PFAS: variants seen among roughly 807,000 people sequenced by gnomAD.
PFAS encodes FGAM synthase.
A neutral mutation model predicts 140.6 loss-of-function variants in PFAS; 97 were observed. That is an observed-to-expected ratio of 0.69 (90% CI 0.59 to 0.82). The LOEUF (loss-of-function observed/expected upper bound fraction) is 0.82. Among genes scored for constraint, PFAS ranks in the 40% least tolerant of loss-of-function variants. The pLI is 0.00. For synonymous variants in PFAS, 679 were observed against 718.8 expected (o/e 0.94, Z 0.88); for missense variants, 1,656 against 1,780.2 (o/e 0.93, Z 1.26).
intron 11 of PFAS, among the ~76,000 whole-genome samples, chr17:8,260,611 G>T (rs973778106): frequency 1.3e-5 from 2 of 152,052 alleles, no homozygotes; most frequent in Non-Finnish European, 2.9e-5. Context: ...TTATGTACAA[G>T]TTTTTTTGTT....
rs145272400 is a variant in PFAS at position 8,268,959 on chromosome 17, G to A, written c.3712G>A (p.Val1238Ile). 1.9e-5 allele frequency: 31 copies of A among 1,614,046 alleles called. No homozygotes were observed. Among genetic ancestry groups the A allele is most frequent in the African/African-American group, 8.0e-5 (6 of 74,946 alleles). The part of the protein sequence containing the change: ...PVWSAHGEGY[V>I]AFSSPELQAQ... ...CCCTCCTCCTTCCATCCCAGGTTAC[G>A]TAGCATTTTCTTCTCCGGAACTCCA... Residue 1238 changes from valine to isoleucine, a missense_variant, in exon 28 of 28, where the codon GTA becomes ATA. By Grantham distance (29) the Val-to-Ile change is conservative (BLOSUM62 3). Coordinates refer to ENST00000314666, the MANE Select transcript of PFAS (RefSeq NM_012393.3).
rs1481469391 is a variant in PFAS, at chr17:8,256,983, T to G, written c.1075+20T>G. 1 of 1,613,728 alleles carries G rather than the reference T, an allele frequency of 6.2e-7. No homozygotes were observed. The highest frequency in any genetic ancestry group is 2.2e-5 in the East Asian group (1 of 44,878). ...TTCCAGGTTCCATCTCCTTCCTCTC[T>G]ATCCACCTTCCCTTCCAGATTCCTT... On this transcript the variant is annotated intron_variant, in intron 9 of 27. Coordinates refer to ENST00000314666, the MANE Select transcript of PFAS (RefSeq NM_012393.3).
Position 8,262,911 on chromosome 17 carries a change from T to C in PFAS, c.1337-9T>C, listed in dbSNP as rs772732853. On this transcript the variant is annotated splice_polypyrimidine_tract_variant and intron_variant, in intron 11 of 27. Coordinates refer to ENST00000314666, the MANE Select transcript of PFAS (RefSeq NM_012393.3). ...CCCAGTGTTCTGATTCTGCCTTCCCTTCTTACAGGCATGGAAGTTGTAAAG... is the reference window on the plus strand; with the variant it reads ...CCCAGTGTTCTGATTCTGCCTTCCCCTCTTACAGGCATGGAAGTTGTAAAG... The C allele has an allele frequency of 1.9e-6, 3 of 1,612,538 alleles. No individual in the cohort carries two copies. In the South Asian group the frequency reaches 3.3e-5, roughly 18 times the overall value.
At chr17:8,254,378 T>C (rs1374958826) in intron 3 of PFAS, 77 bp downstream of exon 3, 4 of 1,554,440 alleles carry the variant, frequency 2.6e-6, no homozygotes, top group Non-Finnish European at 3.5e-6. Context: ...GATTTGCTTT[T>C]CCTTTGCTCT....
intron 1 of PFAS, among the ~76,000 whole-genome samples, chr17:8,252,281 G>A (rs1361498501): frequency 6.6e-6 from 1 of 150,612 alleles, no homozygotes; most frequent in Admixed American, 6.6e-5. Context: ...GTGACAGAGT[G>A]AATCCATCTC....
At position 8,268,644 on chromosome 17, in the gene PFAS, C is replaced by G. The variant is rs1567647594; in HGVS notation, c.3494C>G (p.Ala1165Gly). ...GTGTGTAATGGCTGTCAACTGCTGG[C>G]TCTGCTCGGCTGGGTGGGAGGCGAC... Reference protein sequence around the residue: ...LGVCNGCQLLALLGWVGGDPN... With the variant: ...LGVCNGCQLLGLLGWVGGDPN... Residue 1165 changes from alanine to glycine, a missense_variant, in exon 27 of 28, where the codon GCT becomes GGT. Coordinates refer to ENST00000314666, the MANE Select transcript of PFAS (RefSeq NM_012393.3). The G allele has an allele frequency of 6.2e-7, 1 of 1,613,774 alleles. No individual in the cohort carries two copies. The highest frequency in any genetic ancestry group is 8.5e-7 in the Non-Finnish European group (1 of 1,180,010).
At chr17:8,258,289 G>A (rs1989456276) in intron 11 of PFAS, 90 bp downstream of exon 11, 5 of 1,412,262 alleles carry the variant, frequency 3.5e-6, no homozygotes, top group Admixed American at 4.1e-5. Flanking sequence ...ACACTTCAGT[G>A]GTTAGTTTTT....
chr17:8,247,979 C>A (rs1369388779), upstream of PFAS: 1 of 1,602,594 alleles, frequency 6.2e-7, no homozygotes, highest in Non-Finnish European at 8.5e-7. Flanking sequence ...AAAAAAGGAA[C>A]AAGAGACGTA....
At chr17:8,259,917 A>G (rs958443636) in intron 11 of PFAS, among the ~76,000 whole-genome samples, 5 of 152,202 alleles carry the variant, frequency 3.3e-5, no homozygotes, top group Admixed American at 6.5e-5. Flanking sequence ...CCTGGCCAAC[A>G]TGGTGAAACC....
In PFAS at chr17:8,265,314, G is replaced by A. The variant is rs375575069; in HGVS notation, c.2307G>A (p.Met769Ile). 10 of 1,613,986 alleles carry A rather than the reference G, an allele frequency of 6.2e-6. No homozygotes were observed. In the African/African-American group the frequency reaches 6.7e-5, roughly 11 times the overall value. Residue 769 changes from methionine (M) to isoleucine (I), a missense_variant, in exon 19 of 28, where the codon ATG (methionine) becomes ATA (isoleucine). Coordinates refer to ENST00000314666, the MANE Select transcript of PFAS (RefSeq NM_012393.3). Reference protein sequence around the residue: ...LRDVKCSGNWMWAAKLPGEGA... With the variant: ...LRDVKCSGNWIWAAKLPGEGA... Reference sequence around the variant, plus strand: ...ATGTGAAGTGTAGCGGGAACTGGATGTGGGCAGCCAAGCTCCCAGGGGAGG... The same window carrying A: ...ATGTGAAGTGTAGCGGGAACTGGATATGGGCAGCCAAGCTCCCAGGGGAGG...
In PFAS at chr17:8,269,462, G is replaced by A. The variant is rs545922147; in HGVS notation, c.*198G>A. The A allele has an allele frequency of 1.8e-6, 1 of 568,322 alleles. No individual in the cohort carries two copies. Among genetic ancestry groups the A allele is most frequent in the African/African-American group, 1.9e-5 (1 of 53,556 alleles). 35.2% of individuals were successfully genotyped at this position (568,322 alleles called of 1,614,324 possible). On this transcript the variant is annotated 3_prime_UTR_variant, in exon 28 of 28. Coordinates refer to ENST00000314666, the MANE Select transcript of PFAS (RefSeq NM_012393.3). ...TGTGGCTGTGTCTATTTTCAGTTCT[G>A]CTCTAACATGGCATGCCCTTTCTCA...
intron 15 of PFAS, 124 bp from the exon 16 acceptor site, chr17:8,264,088 G>C: frequency 6.8e-7 from 1 of 1,462,216 alleles, no homozygotes; most frequent in Non-Finnish European, 9.6e-7. Context: ...CCAAGGAGGG[G>C]CAGGGACTCA....
At chr17:8,268,444 A>T in intron 26 of PFAS, 89 bp from the exon 27 acceptor site, 1 of 854,092 alleles carries the variant, frequency 1.2e-6, no homozygotes, top group Non-Finnish European at 1.8e-6. Context: ...AGAAAAAAGA[A>T]AAGAAACAGA....
chr17:8,269,099 C>T lies in PFAS; in HGVS notation c.3852C>T (p.Ile1284=). Reference sequence around the variant, plus strand: ...GGTCCCCAGGGGGCGTGGCTGGCATCTGCTCCTGTGATGGCCGCCACCTGG... The same window carrying T: ...GGTCCCCAGGGGGCGTGGCTGGCATTTGCTCCTGTGATGGCCGCCACCTGG... The part of the protein sequence containing the change: ...PNGSPGGVAG[I]CSCDGRHLAV... Residue 1284 remains isoleucine, a synonymous_variant, in exon 28 of 28, where the codon ATC becomes ATT. Transcript: ENST00000314666. 6.2e-7 allele frequency: 1 copy of T among 1,614,198 alleles called. No individual in the cohort carries two copies. Among genetic ancestry groups the T allele is most frequent in the South Asian group, 1.1e-5 (1 of 91,092 alleles).
At chr17:8,258,813 C>T (rs1597421098) in intron 11 of PFAS, among the ~76,000 whole-genome samples, 1 of 151,860 alleles carries the variant, frequency 6.6e-6, no homozygotes, top group Non-Finnish European at 1.5e-5. Context: ...GGTGAAACCC[C>T]GTCTCTACTA....
At chr17:8,257,555 C>CAA (rs1038191239) in intron 9 of PFAS, among the ~76,000 whole-genome samples, 36 of 142,990 alleles carry the variant, frequency 2.5e-4, no homozygotes, top group African/African-American at 8.2e-4. Context: ...GACTCCATCT[C>CAA]AAAAAAAAAA....
Position 8,265,936 on chromosome 17 carries a change from C to T in PFAS, c.2620C>T (p.Gln874Ter). The T allele has an allele frequency of 1.2e-6, 2 of 1,613,714 alleles. No homozygotes were observed. The change falls in exon 21 of 28, where the codon CAG becomes TAG. Residue 874 changes from glutamine to a stop codon, truncating the protein, a stop_gained. Coordinates refer to ENST00000314666, the MANE Select transcript of PFAS (RefSeq NM_012393.3). LOFTEE classifies it high-confidence loss of function. ...GGTALAQCFS[Q>*]LGEHPPDLDL... ...CACAGCTCTGGCCCAGTGCTTCTCCCAGCTTGGGGAACACCCTCCAGACCT... is the reference window on the plus strand; with the variant it reads ...CACAGCTCTGGCCCAGTGCTTCTCCTAGCTTGGGGAACACCCTCCAGACCT...
chr17:8,270,327 A>G lies in PFAS; in HGVS notation c.*1063A>G, dbSNP rs2151600008. ...CACTGTCACCGGCCTCAGGGAGTTT[A>G]TGTGTAATAGAATTAAAAATAATAG... is the stretch of plus-strand genomic sequence containing the variant. On this transcript the variant is annotated 3_prime_UTR_variant, in exon 28 of 28. Transcript: ENST00000314666. The G allele has an allele frequency of 6.6e-6, 1 of 151,800 alleles. No homozygotes were observed. Among genetic ancestry groups the G allele is most frequent in the South Asian group, 2.1e-4 (1 of 4,828 alleles). 9.4% of individuals were successfully genotyped at this position (151,800 alleles called of 1,614,324 possible).
rs753537209 is a variant in PFAS at position 8,266,408 on chromosome 17, C to A, written c.2821+55C>A. On this transcript the variant is annotated intron_variant, in intron 22 of 27. Transcript: ENST00000314666. The surrounding 1 kb of genome is among the most constrained non-coding windows in gnomAD (Gnocchi z 5.0). ...CGGGCTGCCTTCTCTACCCTGCAGA[C>A]CCCATTTCCAATATATTAAAGAGTG... is the stretch of plus-strand genomic sequence containing the variant. The A allele has an allele frequency of 6.8e-6, 11 of 1,607,390 alleles. No individual in the cohort carries two copies. Among genetic ancestry groups the A allele is most frequent in the African/African-American group, 1.3e-5 (1 of 74,658 alleles).
Sources: allele counts gnomAD v4.1 joint callset (sites outside exome capture counted in the v4.1 genomes callset), GRCh38; gene constraint gnomAD v4.1.1; non-coding constraint Gnocchi (gnomAD v3.1); transcripts MANE v1.5; gene names NCBI Gene and HGNC (gene_info 2026-07-23, HGNC 2026-07-21).